MRM1: variants seen among roughly 807,000 people sequenced by gnomAD.
MRM1 encodes rRNA methyltransferase 1, mitochondrial.
MRM1 carries 24 observed loss-of-function variants against 25.0 expected under a neutral mutation model. The ratio of observed to expected loss-of-function variants is 0.96; its 90% CI spans 0.69 to 1.35. The LOEUF (loss-of-function observed/expected upper bound fraction) is 1.35. Among genes scored for constraint, MRM1 ranks in the 40% most tolerant of loss-of-function variants. The probability of loss-of-function intolerance (pLI) is 0.00; values close to 1 mark genes in which losing one functional copy is unlikely to be tolerated. For synonymous variants in MRM1, 188 were observed against 199.2 expected (o/e 0.94, Z 0.47); for missense variants, 431 against 464.1 (o/e 0.93, Z 0.65).
At chr17:36,605,153 AAGAGAGAG>A (rs35548352) in intron 2 of MRM1, among the ~76,000 whole-genome samples, 206 of 145,206 alleles carry the variant, frequency 1.4e-3, no homozygotes, top group African/African-American at 5.1e-3. Flanking sequence ...AAAAAAAAAA[AAGAGAGAG>A]AGAGAGAGAG....
chr17:36,628,285 G>A, the MRM1 span, among the ~76,000 whole-genome samples: 1 of 152,318 alleles, frequency 6.6e-6, no homozygotes, highest in African/African-American at 2.4e-5. Context: ...ACTGCACCTG[G>A]CCAAAATGTA....
At position 36,608,447 on chromosome 17, in the gene MRM1, G is replaced by A. The variant is rs769102791; in HGVS notation, c.*32G>A. On this transcript the variant is annotated 3_prime_UTR_variant, in exon 5 of 5. Coordinates refer to ENST00000614766, the MANE Select transcript of MRM1 (RefSeq NM_024864.5). ...CTGTCCACAGTGTTCATGTGCTGGA[G>A]TCAGGGACGGCCGCACCTGCCTCCG... The A allele has an allele frequency of 7.0e-7, 1 of 1,435,820 alleles. No homozygotes were observed. Among genetic ancestry groups the A allele is most frequent in the Non-Finnish European group, 9.2e-7 (1 of 1,088,798 alleles). The allele number at this position is 1,435,820 out of a possible 1,614,324, so 88.9% of individuals were successfully genotyped here. A position where few individuals can be genotyped will look rare whatever the true frequency, so the allele number is the denominator to read the frequency against.
chr17:36,606,307 G>A (rs773982763), intron 2 of MRM1, among the ~76,000 whole-genome samples: 4 of 152,234 alleles, frequency 2.6e-5, no homozygotes, highest in Non-Finnish European at 4.4e-5. Context: ...GCCTAGAACA[G>A]AGCCCATGCT....
Position 36,601,952 on chromosome 17 carries a change from C to T in MRM1, c.142C>T (p.Arg48Trp), listed in dbSNP as rs1489978686. The T allele has an allele frequency of 1.2e-6, 2 of 1,612,990 alleles. No homozygotes were observed. The highest frequency in any genetic ancestry group is 1.7e-5 in the Admixed American group (1 of 60,004). Reference protein sequence around the residue: ...LLLDDLVPTSRLELLFGMTPC... With the variant: ...LLLDDLVPTSWLELLFGMTPC... Reference sequence around the variant, plus strand: ...GCTGGATGACCTGGTGCCGACCTCTCGGCTGGAGCTTCTGTTTGGCATGAC... The same window carrying T: ...GCTGGATGACCTGGTGCCGACCTCTTGGCTGGAGCTTCTGTTTGGCATGAC... Residue 48 changes from arginine to tryptophan, a missense_variant, in exon 1 of 5, where the codon CGG becomes TGG. Physicochemically the swap from Arg to Trp is moderately radical, Grantham distance 101. Coordinates refer to ENST00000614766, the MANE Select transcript of MRM1 (RefSeq NM_024864.5).
At chr17:36,612,856 C>T (rs1349047632), downstream of MRM1, among the ~76,000 whole-genome samples, 2 of 152,312 alleles carry the variant, frequency 1.3e-5, no homozygotes, top group Admixed American at 1.3e-4. Flanking sequence ...AGCTGCTCCT[C>T]AAAGCCTCTA....
chr17:36,603,782 C>T (rs534315836), intron 2 of MRM1, among the ~76,000 whole-genome samples: 1 of 152,298 alleles, frequency 6.6e-6, no homozygotes, highest in South Asian at 2.1e-4. Context: ...AATTAGCCAC[C>T]TTTCAATTGC....
the MRM1 span, among the ~76,000 whole-genome samples, chr17:36,616,179 T>C: frequency 6.6e-6 from 1 of 152,206 alleles, no homozygotes; most frequent in African/African-American, 2.4e-5. Flanking sequence ...AGGCACGTGC[T>C]GGGTGTTTCA....
chr17:36,623,399 G>C, the MRM1 span, among the ~76,000 whole-genome samples: 1 of 152,200 alleles, frequency 6.6e-6, no homozygotes, highest in Non-Finnish European at 1.5e-5. Context: ...ATTTACAGTG[G>C]AATAATTGGA....
At chr17:36,633,196 G>A in the MRM1 span, among the ~76,000 whole-genome samples, 2 of 152,054 alleles carry the variant, frequency 1.3e-5, no homozygotes, top group Admixed American at 6.5e-5. Context: ...AGCCCCTCCC[G>A]TCTCCCCTTC....
chr17:36,630,811 G>A, the MRM1 span, among the ~76,000 whole-genome samples: 146 of 152,244 alleles, frequency 9.6e-4, no homozygotes, highest in Non-Finnish European at 1.3e-4. Context: ...GGGCATTGGG[G>A]GCAGATTTAT....
In MRM1 at chr17:36,608,531, C is replaced by T; in HGVS notation, c.*116C>T. On this transcript the variant is annotated 3_prime_UTR_variant, in exon 5 of 5. Transcript: ENST00000614766. Reference sequence around the variant, plus strand: ...TGTGCACCAGGCCCATGTTTATTGACCACAGTCTGGGGGGGGGGGAAGGGG... The same window carrying T: ...TGTGCACCAGGCCCATGTTTATTGATCACAGTCTGGGGGGGGGGGAAGGGG... 2 of 641,254 alleles carry T rather than the reference C, an allele frequency of 3.1e-6. No individual in the cohort carries two copies. Among genetic ancestry groups the T allele is most frequent in the Admixed American group, 3.8e-5 (1 of 26,258 alleles). The allele number at this position is 641,254 out of a possible 1,614,324, so 39.7% of individuals were successfully genotyped here. A position where few individuals can be genotyped will look rare whatever the true frequency, so the allele number is the denominator to read the frequency against.
the MRM1 span, among the ~76,000 whole-genome samples, chr17:36,623,195 G>A: frequency 6.6e-6 from 1 of 152,172 alleles, no homozygotes; most frequent in Non-Finnish European, 1.5e-5. Flanking sequence ...GCAGCCCTTC[G>A]GATTCCAGGG....
chr17:36,626,440 G>A, the MRM1 span, among the ~76,000 whole-genome samples: 1 of 152,124 alleles, frequency 6.6e-6, no homozygotes, highest in East Asian at 1.9e-4. Context: ...TCGGCTCACT[G>A]CAAACTCCAC....
the MRM1 span, among the ~76,000 whole-genome samples, chr17:36,623,908 C>T: frequency 0.016 from 2,463 of 152,280 alleles, 71 homozygotes; most frequent in African/African-American, 0.055. Context: ...CTGGAAGCCC[C>T]CGCTCGGACC....
chr17:36,620,084 A>T, the MRM1 span, among the ~76,000 whole-genome samples: 1 of 152,084 alleles, frequency 6.6e-6, no homozygotes, highest in Non-Finnish European at 1.5e-5. Flanking sequence ...TTCCTTATAT[A>T]TTCTGAATAT....
downstream of MRM1, among the ~76,000 whole-genome samples, chr17:36,609,563 T>C (rs11263771): frequency 0.5 from 75,964 of 151,998 alleles, 20,989 homozygotes; most frequent in African/African-American, 0.75. Flanking sequence ...TAGCATGACC[T>C]CTCATTATGA....
the MRM1 span, among the ~76,000 whole-genome samples, chr17:36,632,102 G>T: frequency 5.3e-5 from 8 of 152,128 alleles, no homozygotes; most frequent in African/African-American, 1.9e-4. Flanking sequence ...TGATCCGCCC[G>T]CCTTGGCCTC....
At chr17:36,613,526 C>A (rs569518160), downstream of MRM1, among the ~76,000 whole-genome samples, 6 of 152,334 alleles carry the variant, frequency 3.9e-5, no homozygotes, top group African/African-American at 1.4e-4. Flanking sequence ...CCAGCCAGAA[C>A]CCCTCTGCCT....
the MRM1 span, among the ~76,000 whole-genome samples, chr17:36,628,311 A>G: frequency 6.6e-6 from 1 of 152,222 alleles, no homozygotes; most frequent in African/African-American, 2.4e-5. Flanking sequence ...TGGCAGGGCT[A>G]GAAACATGTG....
Sources: allele counts gnomAD v4.1 joint callset (sites outside exome capture counted in the v4.1 genomes callset), GRCh38; gene constraint gnomAD v4.1.1; transcripts MANE v1.5; gene names NCBI Gene and HGNC (gene_info 2026-07-23, HGNC 2026-07-21).